Variants in LIPC observed in about 807,000 individuals in gnomAD.
The protein encoded by LIPC is lipase C, hepatic type.
In LIPC, 44 loss-of-function variants were observed where a neutral mutation model predicts 50.7. That is an observed-to-expected ratio of 0.87 (90% CI 0.68 to 1.11). The LOEUF is 1.11. Ranked by LOEUF, LIPC falls within the 50% of genes most tolerant of loss-of-function variation. The probability of loss-of-function intolerance (pLI) is 0.00; values close to 1 mark genes in which losing one functional copy is unlikely to be tolerated. For missense variants in LIPC, 697 were observed against 648.2 expected, an observed-to-expected ratio of 1.08 and a Z score of -0.82; for synonymous variants, 271 against 256.4, an observed-to-expected ratio of 1.06 and a Z score of -0.54.
Position 58,542,544 on chromosome 15 carries a change from A to C in LIPC, c.467A>C (p.Gln156Pro). The C allele has an allele frequency of 3.1e-6, 5 of 1,611,236 alleles. No individual in the cohort carries two copies. The highest frequency in any genetic ancestry group is 4.2e-6 in the Non-Finnish European group (5 of 1,177,462). ...ALLRWLEESV[Q>P]LSRSHVHLIG... is the part of the protein sequence containing the mutation. ...GCTGCTGTCTTCCAGGAATCTGTGC[A>C]ACTCTCTCGAAGCCATGTTCACCTA... Residue 156 changes from glutamine to proline, a missense_variant, in exon 4 of 9, where the codon CAA becomes CCA. Gln to Pro is a moderately conservative substitution (Grantham distance 76). Transcript: ENST00000299022.
intron 1 of LIPC, among the ~76,000 whole-genome samples, chr15:58,490,007 GA>G (rs71425806): frequency 6.6e-6 from 1 of 151,820 alleles, no homozygotes; most frequent in African/African-American, 2.4e-5. Flanking sequence ...GTGGGGAAAA[GA>G]AAAAAACAGT....
In LIPC at chr15:58,560,854, C is replaced by T; in HGVS notation, c.1052-10C>T. 2 of 938,304 alleles carry T rather than the reference C, an allele frequency of 2.1e-6. No homozygotes were observed. The highest frequency in any genetic ancestry group is 1.3e-5 in the South Asian group (1 of 77,300). The allele number at this position is 938,304 out of a possible 1,614,324, so 58.1% of individuals were successfully genotyped here. ...TATCTCTCTCTTTCTCTCTCTGTCT[C>T]TCTCTCTAGTTTATCATTACCAGTT... On this transcript the variant is annotated splice_polypyrimidine_tract_variant and intron_variant, in intron 6 of 8. Coordinates refer to ENST00000299022, the MANE Select transcript of LIPC (RefSeq NM_000236.3).
At position 58,542,557 on chromosome 15, in the gene LIPC, C is replaced by T. The variant is rs370340255; in HGVS notation, c.480C>T (p.Ser160=). The part of the protein sequence containing the change: ...WLEESVQLSR[S]HVHLIGYSLG... ...AGGAATCTGTGCAACTCTCTCGAAG[C>T]CATGTTCACCTAATTGGGTACAGCC... The change falls in exon 4 of 9, where the codon AGC becomes AGT. Residue 160 remains serine, a synonymous_variant. Coordinates refer to ENST00000299022, the MANE Select transcript of LIPC (RefSeq NM_000236.3). 3.4e-4 allele frequency: 547 copies of T among 1,613,148 alleles called. 2 individuals carry two copies. The highest frequency in any genetic ancestry group is 4.3e-4 in the Non-Finnish European group (502 of 1,179,272).
At chr15:58,462,509 A>T (rs1857278740) in intron 1 of LIPC, among the ~76,000 whole-genome samples, 3 of 152,174 alleles carry the variant, frequency 2.0e-5, no homozygotes, top group African/African-American at 7.2e-5. Flanking sequence ...ATTGGTTTAG[A>T]TACTCACACA....
chr15:58,448,184 G>A (rs1893769448), intron 1 of LIPC, among the ~76,000 whole-genome samples: 1 of 152,200 alleles, frequency 6.6e-6, no homozygotes, highest in African/African-American at 2.4e-5. Context: ...AAATGGCTGT[G>A]TGACTTTGGA....
At chr15:58,547,224 G>A (rs1386026913) in intron 5 of LIPC, among the ~76,000 whole-genome samples, 1 of 152,102 alleles carries the variant, frequency 6.6e-6, no homozygotes, top group Non-Finnish European at 1.5e-5. Flanking sequence ...GGGTTCCTGG[G>A]GTAGTTCTCC....
In LIPC at chr15:58,445,177, G is replaced by A. The variant is rs558898752; in HGVS notation, c.88+13057G>A. 2.0e-5 allele frequency among the ~76,000 whole-genome samples: 3 copies of A among 152,356 alleles called. No individual in the cohort carries two copies. The South Asian group carries it at 6.2e-4, about 32-fold the overall frequency. ...ACAGAATGATTGGGACTTTCTGGCA[G>A]CATAAGCAATAACCGGCAGGAGACC... On this transcript the variant is annotated intron_variant, in intron 1 of 8. Transcript: ENST00000299022.
chr15:58,467,573 G>A (rs1011406034), intron 1 of LIPC, among the ~76,000 whole-genome samples: 6 of 152,004 alleles, frequency 3.9e-5, no homozygotes, highest in Admixed American at 1.3e-4. Flanking sequence ...CTGGGCTTAC[G>A]TCAGGCTGTT....
At position 58,432,040 on chromosome 15, in the gene LIPC, C is replaced by CA. The variant is rs760809626; in HGVS notation, c.10dup (p.Ser4LysfsTer37). 1 of 1,613,392 alleles carries CA rather than the reference C, an allele frequency of 6.2e-7. No homozygotes were observed. The highest frequency in any genetic ancestry group is 8.5e-7 in the Non-Finnish European group (1 of 1,179,340). On this transcript the variant is annotated frameshift_variant, in exon 1 of 9. Coordinates refer to ENST00000299022, the MANE Select transcript of LIPC (RefSeq NM_000236.3). LOFTEE classifies it high-confidence loss of function. Reference sequence around the variant, plus strand: ...CCCGGGTGAAACGGAGAAATGGACACAAGTCCCCTGTGTTTCTCCATTCTG... The same window carrying CA: ...CCCGGGTGAAACGGAGAAATGGACACAAAGTCCCCTGTGTTTCTCCATTCTG...
intron 1 of LIPC, among the ~76,000 whole-genome samples, chr15:58,482,839 C>T (rs766218920): frequency 1.3e-5 from 2 of 152,206 alleles, no homozygotes; most frequent in African/African-American, 2.4e-5. Flanking sequence ...CAGGTTTAGA[C>T]ATCAGGAAAC....
chr15:58,507,907 C>T (rs1157136784), intron 1 of LIPC, among the ~76,000 whole-genome samples: 4 of 152,034 alleles, frequency 2.6e-5, no homozygotes, highest in South Asian at 2.1e-4. Context: ...TAGGGGGAGA[C>T]GAGTGGACTT....
chr15:58,568,812 G>A lies in LIPC; in HGVS notation c.1485G>A (p.Lys495=), dbSNP rs1394969929. ...VKCEIKSKTS[K]RKIR ...GTGAAATAAAGTCTAAAACATCAAA[G>A]CGAAAGATCAGATGAGATTTAATGA... Residue 495 remains lysine (K), a synonymous_variant, in exon 9 of 9, where the codon AAG becomes AAA. Transcript: ENST00000299022. 1 of 1,595,720 alleles carries A rather than the reference G, an allele frequency of 6.3e-7. No individual in the cohort carries two copies. The highest frequency in any genetic ancestry group is 8.6e-7 in the Non-Finnish European group (1 of 1,165,188).
chr15:58,469,625 T>C (rs1361306109), intron 1 of LIPC, among the ~76,000 whole-genome samples: 2 of 147,088 alleles, frequency 1.4e-5, no homozygotes, highest in Non-Finnish European at 3.1e-5. Context: ...GATAGACAGG[T>C]AAGAGAACTG....
intron 1 of LIPC, among the ~76,000 whole-genome samples, chr15:58,475,616 A>G (rs1890967710): frequency 6.6e-6 from 1 of 152,190 alleles, no homozygotes; most frequent in African/African-American, 2.4e-5. Flanking sequence ...GCACTCCTGG[A>G]GCACTGCATT....
intron 1 of LIPC, among the ~76,000 whole-genome samples, chr15:58,529,539 A>G (rs1892897039): frequency 6.6e-6 from 1 of 152,206 alleles, no homozygotes; most frequent in South Asian, 2.1e-4. Flanking sequence ...GTCTTCCGTG[A>G]TTCAAGACCC....
intron 1 of LIPC, among the ~76,000 whole-genome samples, chr15:58,507,122 C>T (rs996093668): frequency 1.3e-4 from 20 of 152,100 alleles, no homozygotes; most frequent in African/African-American, 4.6e-4. Context: ...ATTATGGGAA[C>T]TACAATTCAA....
intron 6 of LIPC, among the ~76,000 whole-genome samples, chr15:58,552,570 G>T (rs921361548): frequency 1.6e-4 from 25 of 152,138 alleles, no homozygotes; most frequent in Non-Finnish European, 3.4e-4. Context: ...TGCACTCCAG[G>T]CTCCCTGGGT....
At chr15:58,501,245 T>C (rs1891975058) in intron 1 of LIPC, among the ~76,000 whole-genome samples, 1 of 152,030 alleles carries the variant, frequency 6.6e-6, no homozygotes, top group Non-Finnish European at 1.5e-5. Flanking sequence ...CTCGCCTATA[T>C]ACCTAGACTC....
At chr15:58,456,199 G>T (rs910177226) in intron 1 of LIPC, 2 of 152,262 alleles carry the variant, frequency 1.3e-5, no homozygotes, top group East Asian at 1.9e-4. Flanking sequence ...AGAAGGGAAT[G>T]AAGTGGGGTC....
Sources: allele counts gnomAD v4.1 joint callset (sites outside exome capture counted in the v4.1 genomes callset), GRCh38; gene constraint gnomAD v4.1.1; transcripts MANE v1.5; gene names NCBI Gene and HGNC (gene_info 2026-07-23, HGNC 2026-07-21).